Variants in ABCC1 observed in about 807,000 individuals in gnomAD.
ABCC1 encodes the protein multidrug resistance-associated protein 1.
In ABCC1, 83 loss-of-function variants were observed where a neutral mutation model predicts 172.9. The ratio of observed to expected loss-of-function variants is 0.48; its 90% CI spans 0.40 to 0.58. ABCC1 has a LOEUF of 0.58. ABCC1 is among the 20% of genes least tolerant of loss of function. The pLI, the probability that ABCC1 is intolerant of heterozygous loss-of-function variation, is 0.00. For synonymous variants in ABCC1, 937 were observed against 825.2 expected, an observed-to-expected ratio of 1.14 and a Z score of -2.32; for missense variants, 1,817 against 2,002.7, an observed-to-expected ratio of 0.91 and a Z score of 1.77.
At chr16:16,122,426 G>A (rs1478774219) in intron 24 of ABCC1, among the ~76,000 whole-genome samples, 1 of 151,450 alleles carries the variant, frequency 6.6e-6, no homozygotes, top group African/African-American at 2.4e-5. Flanking sequence ...AGCCCTGCAA[G>A]TGCTTCCCGT....
intron 9 of ABCC1, among the ~76,000 whole-genome samples, chr16:16,046,485 C>G (rs539955689): frequency 6.6e-6 from 1 of 152,250 alleles, no homozygotes; most frequent in African/African-American, 2.4e-5. Flanking sequence ...GCGGGGACTA[C>G]AGGCGCCTGC....
At chr16:16,108,549 A>G (rs1472624843) in intron 21 of ABCC1, among the ~76,000 whole-genome samples, 1 of 147,122 alleles carries the variant, frequency 6.8e-6, no homozygotes, top group African/African-American at 2.5e-5. Flanking sequence ...TGCTGGGATT[A>G]TAGGCATGAG....
At position 16,052,639 on chromosome 16, in the gene ABCC1, G is replaced by A. The variant is rs549105660; in HGVS notation, c.1381-85G>A. ...CCTGAACTTGGTCAGCAGCATCCAC[G>A]TGGGATGGATCAACCGGGGAAGCTG... On this transcript the variant is annotated intron_variant, in intron 10 of 30. Coordinates refer to ENST00000399410, the MANE Select transcript of ABCC1 (RefSeq NM_004996.4). The A allele has an allele frequency of 1.7e-5, 23 of 1,338,278 alleles. 1 individual carries two copies. Among genetic ancestry groups the A allele is most frequent in the East Asian group, 1.4e-4 (6 of 43,270 alleles). 82.9% of individuals were successfully genotyped at this position (1,338,278 alleles called of 1,614,324 possible).
chr16:16,076,987 GC>G (rs2050600865), intron 15 of ABCC1, among the ~76,000 whole-genome samples: 1 of 152,102 alleles, frequency 6.6e-6, no homozygotes, highest in Non-Finnish European at 1.5e-5. Context: ...GAACTCCAGT[GC>G]CCCTCAGCTG....
intron 11 of ABCC1, among the ~76,000 whole-genome samples, chr16:16,055,028 A>G (rs1201769717): frequency 2.6e-5 from 4 of 152,128 alleles, no homozygotes; most frequent in Non-Finnish European, 5.9e-5. Flanking sequence ...CCAGGAGTGC[A>G]AGACCAGCCT....
chr16:15,984,241 C>T (rs1257844397), intron 1 of ABCC1, among the ~76,000 whole-genome samples: 2 of 152,136 alleles, frequency 1.3e-5, no homozygotes, highest in East Asian at 3.9e-4. Context: ...AGATGTGCGG[C>T]AGCCTCCAAG....
chr16:16,076,190 G>T, intron 14 of ABCC1, 136 bp from the exon 15 acceptor site: 1 of 799,702 alleles, frequency 1.3e-6, no homozygotes. Context: ...CGTGGCTGAT[G>T]TCACCAGATA....
At chr16:16,050,278 G>A (rs1448774615) in intron 10 of ABCC1, among the ~76,000 whole-genome samples, 4 of 152,008 alleles carry the variant, frequency 2.6e-5, no homozygotes, top group African/African-American at 9.7e-5. Context: ...GGCCAACATG[G>A]CAAAACCCCG....
At position 16,102,656 on chromosome 16, in the gene ABCC1, G is replaced by A; in HGVS notation, c.2674G>A (p.Glu892Lys). 3.8e-6 allele frequency: 6 copies of A among 1,591,202 alleles called. No individual in the cohort carries two copies. Among genetic ancestry groups the A allele is most frequent in the Non-Finnish European group, 5.1e-6 (6 of 1,168,694 alleles). The change falls in exon 20 of 31, where the codon GAA (glutamate) becomes AAA (lysine). Residue 892 changes from glutamate (E) to lysine (K), a missense_variant. Glu to Lys is a moderately conservative substitution (Grantham distance 56). This residue lies in a region of ABCC1 where 1,412 missense variants were observed against 1,600.3 expected (regional missense o/e 0.88). Coordinates refer to ENST00000399410, the MANE Select transcript of ABCC1 (RefSeq NM_004996.4). Reference sequence around the variant, plus strand: ...CACGGGCGTCAGCGGTCCAGGGAAGGAAGCAAAGCAAATGGAGAATGGCAT... The same window carrying A: ...CACGGGCGTCAGCGGTCCAGGGAAGAAAGCAAAGCAAATGGAGAATGGCAT... ...GVTGVSGPGK[E>K]AKQMENGMLV...
At chr16:16,071,109 A>T (rs953400888) in intron 13 of ABCC1, among the ~76,000 whole-genome samples, 5 of 151,812 alleles carry the variant, frequency 3.3e-5, no homozygotes, top group South Asian at 2.1e-4. Flanking sequence ...TTTGAAATGG[A>T]GCCTCACTCT....
intron 14 of ABCC1, among the ~76,000 whole-genome samples, chr16:16,073,508 A>C (rs2050433967): frequency 6.6e-6 from 1 of 152,158 alleles, no homozygotes; most frequent in African/African-American, 2.4e-5. Context: ...CCTACCTATA[A>C]TCCTAGTACT....
chr16:16,124,335 G>GTGTGTGTGTGTGTGTGTGTGTGTGTATA (rs766911904), intron 24 of ABCC1, among the ~76,000 whole-genome samples: 1 of 87,930 alleles, frequency 1.1e-5, no homozygotes, highest in Admixed American at 1.2e-4. Context: ...GTGTGTGTGT[G>GTGTGTGTGTGTGTGTGTGTGTGTGTATA]TGTGTGTGTG....
chr16:16,140,889 C>T (rs1596566786), intron 30 of ABCC1, among the ~76,000 whole-genome samples: 1 of 152,138 alleles, frequency 6.6e-6, no homozygotes, highest in Non-Finnish European at 1.5e-5. Context: ...TTTTATTTTA[C>T]TCTGAATGTA....
At chr16:16,008,928 C>A (rs1466025829) in intron 2 of ABCC1, among the ~76,000 whole-genome samples, 4 of 116,718 alleles carry the variant, frequency 3.4e-5, no homozygotes, top group East Asian at 2.3e-4. Context: ...GTCACTGTTT[C>A]CTGTTTTTTT....
At chr16:16,014,887 G>A (rs762530341) in intron 4 of ABCC1, among the ~76,000 whole-genome samples, 3 of 152,210 alleles carry the variant, frequency 2.0e-5, no homozygotes, top group Non-Finnish European at 4.4e-5. Context: ...GACCTCCAAG[G>A]GCAGGAGCTG....
chr16:16,041,305 G>C (rs1471063203), intron 7 of ABCC1, among the ~76,000 whole-genome samples: 2 of 152,074 alleles, frequency 1.3e-5, no homozygotes, highest in Non-Finnish European at 2.9e-5. Context: ...CTGTGCCCTA[G>C]CCCTGAGTAC....
At chr16:16,124,350 ATTATAGGAGTGACCCACTACGCCCGGC>A (rs1567432176) in intron 24 of ABCC1, among the ~76,000 whole-genome samples, 24 of 28,118 alleles carry the variant, frequency 8.5e-4, no homozygotes, top group South Asian at 1.4e-3. Context: ...TGTGTGTGTG[ATTATAGGAGTGACCCACTACGCCCGGC>A]TGTGTGTGTG....
intron 27 of ABCC1, 90 bp downstream of exon 27, chr16:16,132,025 GTCAC>G (rs1204185183): frequency 1.3e-5 from 19 of 1,497,554 alleles, no homozygotes; most frequent in Admixed American, 9.5e-5. Context: ...CGTCTCCCCA[GTCAC>G]TCACGGCTCC....
intron 4 of ABCC1, among the ~76,000 whole-genome samples, chr16:16,015,097 G>A (rs1334995176): frequency 6.6e-6 from 1 of 150,608 alleles, no homozygotes; most frequent in Non-Finnish European, 1.5e-5. Context: ...ATTGGCTGCT[G>A]TGTGCTGCTG....
Sources: allele counts gnomAD v4.1 joint callset (sites outside exome capture counted in the v4.1 genomes callset), GRCh38; gene constraint gnomAD v4.1.1; regional missense constraint gnomAD v4.1.1; transcripts MANE v1.5; gene names NCBI Gene and HGNC (gene_info 2026-07-23, HGNC 2026-07-21).